Variants in KIAA0825 observed in about 807,000 individuals in gnomAD.
KIAA0825 encodes the protein KIAA0825, also known as uncharacterized protein KIAA0825.
KIAA0825 carries 119 observed loss-of-function variants against 147.6 expected under a neutral mutation model. The observed-to-expected ratio is 0.81, with a 90% CI of 0.69 to 0.94. The LOEUF is 0.94. KIAA0825 is among the 40% of genes least tolerant of loss of function. KIAA0825 has a pLI of 0.00. For synonymous variants in KIAA0825, 470 were observed against 518.1 expected, an observed-to-expected ratio of 0.91 and a Z score of 1.26; for missense variants, 1,381 against 1,472.7, an observed-to-expected ratio of 0.94 and a Z score of 1.02.
At chr5:94,258,803 G>A (rs1776362592) in intron 20 of KIAA0825, among the ~76,000 whole-genome samples, 1 of 151,910 alleles carries the variant, frequency 6.6e-6, no homozygotes, top group Non-Finnish European at 1.5e-5. Flanking sequence ...GACTAGACAG[G>A]ATGATCTAAT....
intron 20 of KIAA0825, among the ~76,000 whole-genome samples, chr5:94,319,371 AAT>A (rs1326314703): frequency 6.6e-6 from 1 of 151,812 alleles, no homozygotes; most frequent in African/African-American, 2.4e-5. Context: ...ATGGCTTATA[AAT>A]ACCATCTGTA....
At chr5:94,511,662 T>TA (rs1415652776) in intron 5 of KIAA0825, among the ~76,000 whole-genome samples, 1 of 151,970 alleles carries the variant, frequency 6.6e-6, no homozygotes, top group African/African-American at 2.4e-5. Flanking sequence ...AGATGTTAAA[T>TA]AACAATTTTG....
rs568585488 is a variant in KIAA0825, at chr5:94,518,536, T to A, written c.970+1712A>T. ...AACATGGGTCCCAGAAATAGAAAGA[T>A]CTGCATATGACTTCTAAGTATCAAT... On this transcript the variant is annotated intron_variant, in intron 5 of 20. Coordinates refer to ENST00000682413, the MANE Select transcript of KIAA0825 (RefSeq NM_001145678.3). Among the ~76,000 whole-genome samples, 25 of 152,258 alleles carry A rather than the reference T, an allele frequency of 1.6e-4. No homozygotes were observed. In the South Asian group the frequency reaches 5.0e-3, roughly 30 times the overall value.
chr5:94,593,913 T>G (rs1238560478), intron 1 of KIAA0825: 1 of 425,626 alleles, frequency 2.3e-6, no homozygotes, highest in Non-Finnish European at 4.7e-6. Flanking sequence ...GAAGTGGGAA[T>G]ATCCAGAATT....
intron 5 of KIAA0825, among the ~76,000 whole-genome samples, chr5:94,516,149 T>G (rs1767196855): frequency 1.3e-5 from 2 of 152,164 alleles, no homozygotes; most frequent in African/African-American, 4.8e-5. Context: ...AGCTTATATG[T>G]AAATAAAATT....
chr5:94,403,576 T>C lies in KIAA0825; in HGVS notation c.2880A>G (p.Ser960=). The change falls in exon 16 of 21, where the codon TCA becomes TCG. Residue 960 remains serine, a synonymous_variant. Coordinates refer to ENST00000682413, the MANE Select transcript of KIAA0825 (RefSeq NM_001145678.3). ...YSPKETNRKE[S]CKSFTRLTAQ... ...AGAAACAAGTGTACTTACTTTTGCA[T>C]GATTCTTTCCTGTTAGTTTCTTTTG... 6.4e-7 allele frequency: 1 copy of C among 1,551,094 alleles called. No individual in the cohort carries two copies. Among genetic ancestry groups the C allele is most frequent in the East Asian group, 2.4e-5 (1 of 40,922 alleles).
At chr5:94,248,844 A>G (rs1041125943) in intron 20 of KIAA0825, among the ~76,000 whole-genome samples, 1 of 152,056 alleles carries the variant, frequency 6.6e-6, no homozygotes, top group African/African-American at 2.4e-5. Flanking sequence ...TAAGATTTCT[A>G]TTTTACTTCC....
chr5:94,504,746 CTTT>C (rs564291886), intron 5 of KIAA0825, among the ~76,000 whole-genome samples: 4 of 122,980 alleles, frequency 3.3e-5, no homozygotes, highest in Admixed American at 8.8e-5. Context: ...TTTTTCTTTT[CTTT>C]TTTTTTTTTT....
At chr5:94,237,672 C>T in intron 20 of KIAA0825, among the ~76,000 whole-genome samples, 1 of 152,154 alleles carries the variant, frequency 6.6e-6, no homozygotes, top group East Asian at 1.9e-4. Context: ...ATCTTGGACT[C>T]TATATCTTAA....
At chr5:94,493,557 A>G (rs1296506543) in intron 5 of KIAA0825, among the ~76,000 whole-genome samples, 7 of 152,008 alleles carry the variant, frequency 4.6e-5, no homozygotes, top group African/African-American at 1.7e-4. Context: ...GCGCAATCTC[A>G]GCTCACTGCA....
At chr5:94,463,654 A>G (rs943742773) in intron 11 of KIAA0825, among the ~76,000 whole-genome samples, 5 of 151,570 alleles carry the variant, frequency 3.3e-5, no homozygotes, top group Non-Finnish European at 5.9e-5. Flanking sequence ...TATTTTACTT[A>G]TAAAAACTAG....
At chr5:94,404,950 C>T (rs749554585) in intron 15 of KIAA0825, among the ~76,000 whole-genome samples, 3 of 152,098 alleles carry the variant, frequency 2.0e-5, no homozygotes, top group Non-Finnish European at 2.9e-5. Flanking sequence ...TTAGTTTTCA[C>T]CTTCCACGAC....
intron 14 of KIAA0825, among the ~76,000 whole-genome samples, chr5:94,422,950 T>G (rs2150742139): frequency 6.6e-6 from 1 of 152,314 alleles, no homozygotes; most frequent in South Asian, 2.1e-4. Flanking sequence ...TTCCCGGCAC[T>G]AACAAAAGAG....
chr5:94,600,356 A>C (rs762337870), intron 1 of KIAA0825, among the ~76,000 whole-genome samples: 33 of 151,962 alleles, frequency 2.2e-4, no homozygotes, highest in Admixed American at 5.9e-4. Flanking sequence ...TTCCTTATAT[A>C]GTTTCATATA....
chr5:94,461,244 T>C (rs1160604005), intron 12 of KIAA0825, among the ~76,000 whole-genome samples: 1 of 151,976 alleles, frequency 6.6e-6, no homozygotes, highest in African/African-American at 2.4e-5. Context: ...AAGCATGAAA[T>C]TCAATATTGC....
chr5:94,496,868 G>A (rs1764430325), intron 5 of KIAA0825, among the ~76,000 whole-genome samples: 1 of 152,110 alleles, frequency 6.6e-6, no homozygotes, highest in African/African-American at 2.4e-5. Context: ...ATAGCATGGT[G>A]TTTGCAAGCC....
intron 2 of KIAA0825, among the ~76,000 whole-genome samples, chr5:94,546,792 C>CAAAAA (rs372542896): frequency 4.0e-5 from 2 of 49,694 alleles, no homozygotes; most frequent in Non-Finnish European, 7.3e-5. Context: ...GTCCAGGCAC[C>CAAAAA]AAAAAAAAAA....
intron 20 of KIAA0825, among the ~76,000 whole-genome samples, chr5:94,195,638 A>G (rs1000478883): frequency 1.3e-5 from 2 of 152,106 alleles, no homozygotes; most frequent in Non-Finnish European, 2.9e-5. Flanking sequence ...TTAGGTAAGA[A>G]AAGTGACAAG....
intron 5 of KIAA0825, among the ~76,000 whole-genome samples, chr5:94,499,757 A>AT (rs1764847053): frequency 1.3e-5 from 2 of 152,350 alleles, no homozygotes; most frequent in Admixed American, 1.3e-4. Flanking sequence ...TTCAGTTAAG[A>AT]AGATACTCAT....
Sources: gnomAD v4.1 joint callset for allele counts (sites outside exome capture counted in the v4.1 genomes callset) on GRCh38, gnomAD v4.1.1 for gene constraint, MANE v1.5 for transcripts, NCBI Gene and HGNC (gene_info 2026-07-23, HGNC 2026-07-21) for gene names.